The following BCCIP variants were observed in gnomAD, a reference collection of about 807,000 sequenced individuals.
BCCIP encodes BRCA2 and CDKN1A interacting protein, also known as BRCA2 and CDKN1A-interacting protein.
In BCCIP, 23 loss-of-function variants were observed where a neutral mutation model predicts 32.8. The ratio of observed to expected loss-of-function variants is 0.70; its 90% CI spans 0.51 to 0.99. The LOEUF (loss-of-function observed/expected upper bound fraction) is 0.99. Among genes scored for constraint, BCCIP ranks in the 50% least tolerant of loss-of-function variants. The pLI is 0.00. For missense variants in BCCIP, 378 were observed against 379.8 expected (o/e 1.00, Z 0.04); for synonymous variants, 144 against 137.6 (o/e 1.05, Z -0.33).
At chr10:125,840,942 C>A, downstream of BCCIP, 1 of 1,612,208 alleles carries the variant, frequency 6.2e-7, no homozygotes, top group Non-Finnish European at 8.5e-7. Flanking sequence ...TGTCTTCCAA[C>A]AAGTCAAGGC....
At chr10:125,837,069 T>G (rs1272179710), downstream of BCCIP, among the ~76,000 whole-genome samples, 1 of 152,236 alleles carries the variant, frequency 6.6e-6, no homozygotes, top group Admixed American at 6.5e-5. Context: ...TAAGTTGGCC[T>G]CTCTAGTGTT....
In BCCIP at chr10:125,836,115, C is replaced by G. The variant is rs750445786; in HGVS notation, c.786C>G (p.Leu262=). ...EEEFFYEKAI[L]KFNYSVQEES... is the part of the protein sequence containing the mutation. Reference sequence around the variant, plus strand: ...CTTATTTGGTTTAGAAGGCAATTCTCAAGTTCAACTACTCAGTGCAGGAGG... The same window carrying G: ...CTTATTTGGTTTAGAAGGCAATTCTGAAGTTCAACTACTCAGTGCAGGAGG... Residue 262 remains leucine (L), a synonymous_variant, in exon 7 of 7, where the codon CTC becomes CTG. Transcript: ENST00000278100. 1 of 1,610,770 alleles carries G rather than the reference C, an allele frequency of 6.2e-7. No homozygotes were observed. Among genetic ancestry groups the G allele is most frequent in the South Asian group, 1.1e-5 (1 of 90,770 alleles).
At chr10:125,840,360 C>T (rs796629035), downstream of BCCIP, among the ~76,000 whole-genome samples, 26 of 152,362 alleles carry the variant, frequency 1.7e-4, no homozygotes, top group African/African-American at 6.3e-4. Context: ...CTATCAAGCT[C>T]CGTCAGCAAC....
downstream of BCCIP, among the ~76,000 whole-genome samples, chr10:125,844,866 C>A (rs1564823983): frequency 6.6e-6 from 1 of 152,372 alleles, no homozygotes; most frequent in Non-Finnish European, 1.5e-5. Flanking sequence ...GGCAGCTGTA[C>A]TCCCTGTGGA....
At chr10:125,845,864 G>A (rs1266032383), downstream of BCCIP, among the ~76,000 whole-genome samples, 2 of 152,220 alleles carry the variant, frequency 1.3e-5, no homozygotes, top group Admixed American at 6.5e-5. Flanking sequence ...GCTTAGCTGT[G>A]CCTGAAGACC....
At chr10:125,852,905 G>A (rs558546654) in intron 7 of BCCIP, among the ~76,000 whole-genome samples, 2 of 152,172 alleles carry the variant, frequency 1.3e-5, no homozygotes, top group African/African-American at 4.8e-5. Context: ...TGAAATACTA[G>A]CACTGTCACT....
At chr10:125,836,803 T>G (rs917709466), downstream of BCCIP, 6 of 1,614,052 alleles carry the variant, frequency 3.7e-6, no homozygotes, top group Non-Finnish European at 4.2e-6. Context: ...ATGTCCTTAC[T>G]TTCACTAGGA....
chr10:125,845,308 A>G (rs1177655119), downstream of BCCIP, among the ~76,000 whole-genome samples: 1 of 152,214 alleles, frequency 6.6e-6, no homozygotes, highest in Non-Finnish European at 1.5e-5. Flanking sequence ...CTCTTTTGTT[A>G]TAACAATCTT....
downstream of BCCIP, chr10:125,841,044 A>G (rs1340041319): frequency 6.4e-7 from 1 of 1,568,252 alleles, no homozygotes; most frequent in East Asian, 2.3e-5. Flanking sequence ...AAGACATTTT[A>G]TCTTAGCCTA....
chr10:125,835,963 T>G (rs1854669255), intron 6 of BCCIP, 141 bp from the exon 7 acceptor site: 1 of 745,710 alleles, frequency 1.3e-6, no homozygotes, highest in Non-Finnish European at 2.2e-6. Flanking sequence ...ATTTGAACTT[T>G]TTCAATTCTG....
At chr10:125,848,094 A>G (rs1944047421) in intron 7 of BCCIP, among the ~76,000 whole-genome samples, 1 of 152,206 alleles carries the variant, frequency 6.6e-6, no homozygotes, top group Non-Finnish European at 1.5e-5. Context: ...GAAGGAGCAA[A>G]TGAAGCTTCT....
downstream of BCCIP, chr10:125,838,458 GA>G (rs1854771635): frequency 4.4e-6 from 6 of 1,355,782 alleles, no homozygotes; most frequent in South Asian, 8.7e-5. Flanking sequence ...GATGTTTGTT[GA>G]AAAAAATACC....
intron 6 of BCCIP, among the ~76,000 whole-genome samples, chr10:125,834,393 C>G (rs1196733502): frequency 6.6e-6 from 1 of 152,132 alleles, no homozygotes; most frequent in African/African-American, 2.4e-5. Flanking sequence ...TGTCCTTAGT[C>G]GTGGATGTCA....
chr10:125,833,687 C>T, intron 5 of BCCIP, 85 bp from the exon 6 acceptor site: 1 of 1,403,490 alleles, frequency 7.1e-7, no homozygotes, highest in Non-Finnish European at 9.9e-7. Context: ...ACTGAAGATG[C>T]CTCACCGGGT....
At chr10:125,826,734 T>C in intron 2 of BCCIP, 69 bp downstream of exon 2, 1 of 1,583,094 alleles carries the variant, frequency 6.3e-7, no homozygotes, top group Non-Finnish European at 8.6e-7. Context: ...GTGCAGTGGT[T>C]CATGCCTATA....
intron 1 of BCCIP, among the ~76,000 whole-genome samples, chr10:125,824,559 A>G (rs748143946): frequency 1.3e-5 from 2 of 152,162 alleles, no homozygotes; most frequent in Non-Finnish European, 2.9e-5. Flanking sequence ...TCCTCATCCT[A>G]TATCCAGCCC....
At chr10:125,839,726 G>C (rs1190228130), downstream of BCCIP, among the ~76,000 whole-genome samples, 1 of 152,174 alleles carries the variant, frequency 6.6e-6, no homozygotes, top group African/African-American at 2.4e-5. Context: ...TACCCTAGCT[G>C]TAACTTTTAT....
chr10:125,831,837 G>GAT (rs1589695222), intron 5 of BCCIP, among the ~76,000 whole-genome samples: 1 of 152,148 alleles, frequency 6.6e-6, no homozygotes, highest in East Asian at 1.9e-4. Context: ...AGATTTAAGT[G>GAT]ATATATAAGT....
At chr10:125,836,845 G>C, downstream of BCCIP, 1 of 1,614,034 alleles carries the variant, frequency 6.2e-7, no homozygotes, top group Non-Finnish European at 8.5e-7. Flanking sequence ...TGTGGTACCA[G>C]CTGCATAAAT....
Sources: allele counts gnomAD v4.1 joint callset (sites outside exome capture counted in the v4.1 genomes callset), GRCh38; gene constraint gnomAD v4.1.1; transcripts MANE v1.5; gene names NCBI Gene and HGNC (gene_info 2026-07-23, HGNC 2026-07-21).